Variants in JAK2 observed in about 807,000 individuals in gnomAD.
JAK2 encodes the protein tyrosine-protein kinase JAK2.
JAK2 carries 86 observed loss-of-function variants against 139.3 expected under a neutral mutation model. The observed-to-expected ratio is 0.62, with a 90% CI of 0.52 to 0.74. The LOEUF (loss-of-function observed/expected upper bound fraction) is 0.74, where lower values mean the gene tolerates loss of function less well. JAK2 is among the 30% of genes least tolerant of loss of function. JAK2 has a pLI of 0.00. For synonymous variants in JAK2, 490 were observed against 437.7 expected, an observed-to-expected ratio of 1.12 and a Z score of -1.49; for missense variants, 1,421 against 1,360.3, an observed-to-expected ratio of 1.04 and a Z score of -0.70.
intron 2 of JAK2, among the ~76,000 whole-genome samples, chr9:4,999,883 C>T (rs944102553): frequency 4.6e-5 from 7 of 152,196 alleles, no homozygotes; most frequent in African/African-American, 1.7e-4. Flanking sequence ...TGCTACTACT[C>T]CTGTCCTTTT....
intron 4 of JAK2, among the ~76,000 whole-genome samples, chr9:5,040,047 A>G (rs142316876): frequency 1.8e-4 from 27 of 152,322 alleles, no homozygotes; most frequent in African/African-American, 6.3e-4. Flanking sequence ...TATACTTCCT[A>G]ATTACAAAAT....
intron 19 of JAK2, among the ~76,000 whole-genome samples, chr9:5,086,781 T>C (rs1228904845): frequency 6.6e-6 from 1 of 152,246 alleles, no homozygotes; most frequent in African/African-American, 2.4e-5. Context: ...ATATCTTTGG[T>C]ATTGCTAGTG....
chr9:5,052,005 T>C (rs1410291270), intron 6 of JAK2, among the ~76,000 whole-genome samples: 1 of 152,094 alleles, frequency 6.6e-6, no homozygotes, highest in Non-Finnish European at 1.5e-5. Flanking sequence ...CAGCTACTTA[T>C]TGAATACTTG....
chr9:5,126,719 T>A lies in JAK2; in HGVS notation c.3327T>A (p.Asn1109Lys), dbSNP rs779671643. Reference sequence around the variant, plus strand: ...TCATGACAGAATGCTGGAACAATAATGTAAATCAACGCCCCTCCTTTAGGG... The same window carrying A: ...TCATGACAGAATGCTGGAACAATAAAGTAAATCAACGCCCCTCCTTTAGGG... ...YMIMTECWNNNVNQRPSFRDL... is the reference protein window; with the variant it reads ...YMIMTECWNNKVNQRPSFRDL... Residue 1109 changes from asparagine to lysine, a missense_variant, in exon 25 of 25, where the codon AAT (asparagine) becomes AAA (lysine). By Grantham distance (94) the Asn-to-Lys change is moderately conservative. Transcript: ENST00000381652. 2 of 1,610,958 alleles carry A rather than the reference T, an allele frequency of 1.2e-6. No homozygotes were observed. The highest frequency in any genetic ancestry group is 1.1e-5 in the South Asian group (1 of 90,950).
chr9:5,041,986 G>C, intron 4 of JAK2: 3 of 364,440 alleles, frequency 8.2e-6, no homozygotes, highest in South Asian at 2.2e-5. Flanking sequence ...GAGCTTGTGT[G>C]AGGGCCTTGG....
chr9:5,123,964 G>T (rs922228560), intron 23 of JAK2, among the ~76,000 whole-genome samples: 2 of 151,074 alleles, frequency 1.3e-5, no homozygotes, highest in African/African-American at 4.9e-5. Context: ...CTGGTGATTA[G>T]TGATTAGCAT....
rs9284048 is a variant in JAK2 at position 5,032,219 on chromosome 9, C to A, written c.350+2313C>A. On this transcript the variant is annotated intron_variant, in intron 4 of 24. Coordinates refer to ENST00000381652, the MANE Select transcript of JAK2 (RefSeq NM_004972.4). Reference sequence around the variant, plus strand: ...CTGGGGGAGGGGCGCCCGCCATTGCCGAGGGTTGAGTAGGTAAACAAAGCA... The same window carrying A: ...CTGGGGGAGGGGCGCCCGCCATTGCAGAGGGTTGAGTAGGTAAACAAAGCA... Among the ~76,000 whole-genome samples the A allele has an allele frequency of 3.0e-4, 45 of 152,300 alleles. No homozygotes were observed. The East Asian group carries it at 7.4e-3, about 25-fold the overall frequency.
intron 3 of JAK2, among the ~76,000 whole-genome samples, chr9:5,024,075 T>C (rs1822616067): frequency 6.6e-6 from 1 of 152,022 alleles, no homozygotes; most frequent in African/African-American, 2.4e-5. Context: ...GCTAATATGG[T>C]GAAACCTCAT....
At chr9:5,004,364 T>C (rs950552355) in intron 2 of JAK2, among the ~76,000 whole-genome samples, 1 of 152,214 alleles carries the variant, frequency 6.6e-6, no homozygotes, top group Non-Finnish European at 1.5e-5. Flanking sequence ...TTAGATTCTA[T>C]GGATCAGTGA....
chr9:5,044,237 G>C (rs1816833069), intron 4 of JAK2, among the ~76,000 whole-genome samples, 166 bp from the exon 5 acceptor site: 1 of 152,144 alleles, frequency 6.6e-6, no homozygotes, highest in Non-Finnish European at 1.5e-5. Context: ...GCCTATATTA[G>C]TGTTATCCAC....
intron 8 of JAK2, among the ~76,000 whole-genome samples, chr9:5,056,757 T>C (rs1297284640): frequency 2.0e-5 from 3 of 152,164 alleles, no homozygotes; most frequent in Non-Finnish European, 4.4e-5. Context: ...AATAAATGTT[T>C]CTGGGAGAGT....
Position 5,065,007 on chromosome 9 carries a change from A to C in JAK2, c.1181A>C (p.Glu394Ala). 6.2e-7 allele frequency: 1 copy of C among 1,604,976 alleles called. No individual in the cohort carries two copies. Among genetic ancestry groups the C allele is most frequent in the Non-Finnish European group, 8.5e-7 (1 of 1,175,926 alleles). Residue 394 changes from glutamate to alanine, a missense_variant, in exon 9 of 25, where the codon GAA becomes GCA. Transcript: ENST00000381652. ...CKEVAPPAVL[E>A]NIQSNCHGPI... ...GAAGTAGCACCTCCAGCCGTGCTTG[A>C]AAATATACAAAGCAACTGTCATGGC... is the stretch of plus-strand genomic sequence containing the variant.
Position 5,029,843 on chromosome 9 carries a change from A to T in JAK2, c.287A>T (p.Tyr96Phe). The T allele has an allele frequency of 6.2e-7, 1 of 1,611,542 alleles. No homozygotes were observed. Among genetic ancestry groups the T allele is most frequent in the Non-Finnish European group, 8.5e-7 (1 of 1,177,910 alleles). The stretch of plus-strand genomic sequence containing the variant: ...ATGAGTGAAACAGAAAGGATCTGGT[A>T]TCCACCCAACCATGTCTTCCATATA... ...ALMSETERIW[Y>F]PPNHVFHIDE... Residue 96 changes from tyrosine to phenylalanine, a missense_variant, in exon 4 of 25, where the codon TAT (tyrosine) becomes TTT (phenylalanine). By Grantham distance (22) the Tyr-to-Phe change is conservative (BLOSUM62 3). Transcript: ENST00000381652.
At chr9:5,069,263 C>T (rs970316777) in intron 11 of JAK2, 55 bp downstream of exon 11, 9 of 1,178,012 alleles carry the variant, frequency 7.6e-6, no homozygotes, top group Middle Eastern at 2.2e-4. Context: ...GTTTATGTGG[C>T]GTGAAGTATC....
At chr9:5,043,512 G>C (rs531648018) in intron 4 of JAK2, among the ~76,000 whole-genome samples, 6 of 152,290 alleles carry the variant, frequency 3.9e-5, no homozygotes, top group African/African-American at 1.2e-4. Flanking sequence ...ATGTAAAGTG[G>C]TGCTGCTACT....
At chr9:5,113,191 CT>C (rs531374595) in intron 22 of JAK2, among the ~76,000 whole-genome samples, 878 of 57,162 alleles carry the variant, frequency 0.015, 20 homozygotes, top group African/African-American at 0.051. Context: ...CTGGCAGGAG[CT>C]TTTTTTTTTT....
At position 5,129,143 on chromosome 9, in the gene JAK2, A is replaced by G. The variant is rs1374332997; in HGVS notation, c.*2352A>G. On this transcript the variant is annotated 3_prime_UTR_variant, in exon 25 of 25. Transcript: ENST00000381652. ...ATTTAAATTTTATTTAAACAGCTAC[A>G]AAAGAGTTAGCAAATACCTACAGTT... Among the ~76,000 whole-genome samples, 1 of 152,100 alleles carries G rather than the reference A, an allele frequency of 6.6e-6. No homozygotes were observed. Among genetic ancestry groups the G allele is most frequent in the Non-Finnish European group, 1.5e-5 (1 of 67,934 alleles).
At chr9:5,078,224 T>A (rs1819443484) in intron 15 of JAK2, 82 bp from the exon 16 acceptor site, 3 of 1,148,518 alleles carry the variant, frequency 2.6e-6, no homozygotes, top group Admixed American at 5.0e-5. Context: ...CTTCTTTAAA[T>A]CTGTTTTGGG....
intron 2 of JAK2, among the ~76,000 whole-genome samples, chr9:5,021,619 CTTTA>C (rs1822434600): frequency 1.3e-5 from 2 of 152,014 alleles, no homozygotes; most frequent in African/African-American, 4.8e-5. Flanking sequence ...CCATTTGTAA[CTTTA>C]TTTATTTATG....
Sources: allele counts gnomAD v4.1 joint callset (sites outside exome capture counted in the v4.1 genomes callset), GRCh38; gene constraint gnomAD v4.1.1; transcripts MANE v1.5; gene names NCBI Gene and HGNC (gene_info 2026-07-23, HGNC 2026-07-21).